Variants in CPA6 observed in about 807,000 individuals in gnomAD.
The protein encoded by CPA6 is carboxypeptidase B.
CPA6 carries 58 observed loss-of-function variants against 63.3 expected under a neutral mutation model. The observed-to-expected ratio is 0.92, with a 90% confidence interval of 0.74 to 1.14. The LOEUF is 1.14. Among genes scored for constraint, CPA6 ranks in the 50% most tolerant of loss-of-function variants. The probability of loss-of-function intolerance (pLI) is 0.00; values close to 1 mark genes in which losing one functional copy is unlikely to be tolerated. For missense variants in CPA6, 565 were observed against 526.6 expected (o/e 1.07, Z -0.71); for synonymous variants, 185 against 179.0 (o/e 1.03, Z -0.27).
At chr8:67,552,827 C>A (rs1236369886) in intron 2 of CPA6, among the ~76,000 whole-genome samples, 4 of 148,452 alleles carry the variant, frequency 2.7e-5, no homozygotes, top group Non-Finnish European at 4.5e-5. Context: ...AGAGAAGGGC[C>A]TCTTTCTTAA....
chr8:67,491,324 A>C (rs67614695), intron 6 of CPA6, among the ~76,000 whole-genome samples: 47,073 of 150,882 alleles, frequency 0.31, 7,479 homozygotes, highest in Middle Eastern at 0.45. Context: ...ATCAAATAAC[A>C]GTTTGAAAGT....
chr8:67,629,138 C>T (rs1587650228), intron 1 of CPA6, among the ~76,000 whole-genome samples: 1 of 149,922 alleles, frequency 6.7e-6, no homozygotes, highest in South Asian at 2.1e-4. Context: ...AAAAAACCCC[C>T]AAAAAAACAA....
intron 1 of CPA6, among the ~76,000 whole-genome samples, chr8:67,711,833 C>CT (rs1182311887): frequency 6.6e-6 from 1 of 151,934 alleles, no homozygotes; most frequent in African/African-American, 2.4e-5. Context: ...AAGTGGAAGG[C>CT]AGTAGTTGAA....
At chr8:67,541,225 G>T (rs10429329) in intron 2 of CPA6, among the ~76,000 whole-genome samples, 1 of 151,984 alleles carries the variant, frequency 6.6e-6, no homozygotes, top group Non-Finnish European at 1.5e-5. Context: ...CATGGGGAAA[G>T]CACAGTATCT....
At chr8:67,511,345 C>T (rs990850919) in intron 4 of CPA6, among the ~76,000 whole-genome samples, 196 bp downstream of exon 4, 1 of 152,148 alleles carries the variant, frequency 6.6e-6, no homozygotes, top group Non-Finnish European at 1.5e-5. Flanking sequence ...TTTGATACTT[C>T]TTATATACCA....
At chr8:67,660,618 C>T (rs1181369730) in intron 1 of CPA6, among the ~76,000 whole-genome samples, 2 of 147,406 alleles carry the variant, frequency 1.4e-5, no homozygotes, top group Non-Finnish European at 3.0e-5. Flanking sequence ...GGAAGGATTA[C>T]AGGAACGAAC....
intron 1 of CPA6, among the ~76,000 whole-genome samples, chr8:67,691,691 C>G (rs537262665): frequency 6.6e-6 from 1 of 152,264 alleles, no homozygotes; most frequent in Admixed American, 6.5e-5. Flanking sequence ...CTGTAAAATA[C>G]CTTACCAAGT....
intron 2 of CPA6, among the ~76,000 whole-genome samples, chr8:67,527,903 G>C (rs1213176061): frequency 6.6e-6 from 1 of 152,220 alleles, no homozygotes; most frequent in African/African-American, 2.4e-5. Context: ...CCAGGGTAGA[G>C]GGCTGGTTGA....
chr8:67,699,613 G>A (rs139993938), intron 1 of CPA6, among the ~76,000 whole-genome samples: 2,038 of 151,114 alleles, frequency 0.013, 36 homozygotes, highest in African/African-American at 0.045. Context: ...TTGAGACAGA[G>A]TTTCACTCTT....
chr8:67,598,960 T>A (rs1814418240), intron 2 of CPA6, among the ~76,000 whole-genome samples: 2 of 152,128 alleles, frequency 1.3e-5, no homozygotes, highest in Admixed American at 6.6e-5. Flanking sequence ...AAAACCAGAT[T>A]TGAGCAATTT....
At chr8:67,573,340 TG>T (rs1813534314) in intron 2 of CPA6, among the ~76,000 whole-genome samples, 1 of 152,232 alleles carries the variant, frequency 6.6e-6, no homozygotes, top group African/African-American at 2.4e-5. Context: ...TTGTCACTGT[TG>T]GCTGACAACA....
At chr8:67,577,791 C>T (rs73692165) in intron 2 of CPA6, among the ~76,000 whole-genome samples, 2 of 152,230 alleles carry the variant, frequency 1.3e-5, no homozygotes, top group East Asian at 3.9e-4. Context: ...TCAGGCAGAA[C>T]CACCCTGAAT....
chr8:67,472,394 TA>T (rs1811082320), intron 8 of CPA6, among the ~76,000 whole-genome samples: 1 of 114,544 alleles, frequency 8.7e-6, no homozygotes, highest in African/African-American at 4.8e-5. Flanking sequence ...TATTTTATTT[TA>T]TTTTATTTTA....
chr8:67,657,341 G>A (rs1253236801), intron 1 of CPA6, among the ~76,000 whole-genome samples: 1 of 151,124 alleles, frequency 6.6e-6, no homozygotes, highest in Non-Finnish European at 1.5e-5. Context: ...ATCTGATGTT[G>A]CTGGAGAATA....
chr8:67,489,588 T>A (rs1470445809), intron 6 of CPA6, among the ~76,000 whole-genome samples: 1 of 152,228 alleles, frequency 6.6e-6, no homozygotes, highest in Non-Finnish European at 1.5e-5. Flanking sequence ...TGGTATTTGT[T>A]GATACTTGCT....
intron 1 of CPA6, among the ~76,000 whole-genome samples, chr8:67,720,652 A>C (rs1467201490): frequency 2.0e-5 from 3 of 152,224 alleles, no homozygotes; most frequent in Non-Finnish European, 4.4e-5. Context: ...CACATGCTTC[A>C]AGGAAATAGA....
intron 1 of CPA6, among the ~76,000 whole-genome samples, chr8:67,660,210 TG>T (rs1423397511): frequency 2.0e-5 from 3 of 152,126 alleles, no homozygotes; most frequent in African/African-American, 7.2e-5. Context: ...GCAGATTTTT[TG>T]TGCCCCAGGT....
chr8:67,547,500 C>CT lies in CPA6; in HGVS notation c.193-29454dup, dbSNP rs565207722. Among the ~76,000 whole-genome samples, 350 of 134,936 alleles carry CT rather than the reference C, an allele frequency of 2.6e-3. 1 individual carries two copies. The highest frequency in any genetic ancestry group is 5.4e-3 in the South Asian group (22 of 4,088). 88.5% of individuals were successfully genotyped at this position (134,936 alleles called of 152,430 possible). ...CTATTAACAAGTAATGAATTATAGT[C>CT]TTTTTTTTTTTTTTTTAGACAGGTT... is the stretch of plus-strand genomic sequence containing the variant. On this transcript the variant is annotated intron_variant, in intron 2 of 10. Coordinates refer to ENST00000297770, the MANE Select transcript of CPA6 (RefSeq NM_020361.5).
chr8:67,608,366 G>C (rs1458960378), intron 2 of CPA6, among the ~76,000 whole-genome samples: 1 of 152,196 alleles, frequency 6.6e-6, no homozygotes, highest in Non-Finnish European at 1.5e-5. Context: ...AAGAAAAGAA[G>C]AGGAACATCT....
Sources: gnomAD v4.1 joint callset for allele counts (sites outside exome capture counted in the v4.1 genomes callset) on GRCh38, gnomAD v4.1.1 for gene constraint, MANE v1.5 for transcripts, NCBI Gene and HGNC (gene_info 2026-07-23, HGNC 2026-07-21) for gene names.